MAGI2: variants seen among roughly 807,000 people sequenced by gnomAD.
The protein encoded by MAGI2 is membrane-associated guanylate kinase, WW and PDZ domain-containing protein 2.
MAGI2 carries 35 observed loss-of-function variants against 133.3 expected under a neutral mutation model. The ratio of observed to expected loss-of-function variants is 0.26; its 90% confidence interval spans 0.20 to 0.35. The LOEUF (loss-of-function observed/expected upper bound fraction) is 0.35. Ranked by LOEUF, MAGI2 falls within the 10% of genes least tolerant of loss-of-function variation. MAGI2 has a pLI of 1.00. For missense variants in MAGI2, 1,636 were observed against 1,863.4 expected (o/e 0.88, Z 2.25); for synonymous variants, 729 against 710.6 (o/e 1.03, Z -0.41).
chr7:78,501,987 A>G (rs73135404), intron 4 of MAGI2, among the ~76,000 whole-genome samples, 200 bp from the exon 5 acceptor site: 3 of 152,276 alleles, frequency 2.0e-5, no homozygotes, highest in Non-Finnish European at 2.9e-5. Context: ...TCTTTCAGCT[A>G]ATTATTATTG....
chr7:78,079,617 CA>C (rs1815737414), intron 20 of MAGI2, among the ~76,000 whole-genome samples: 1 of 152,128 alleles, frequency 6.6e-6, no homozygotes, highest in Non-Finnish European at 1.5e-5. Context: ...TCTTTGTAAA[CA>C]GTGGTTGGTT....
chr7:78,157,174 CA>C (rs1824479574), intron 16 of MAGI2, among the ~76,000 whole-genome samples: 1 of 152,156 alleles, frequency 6.6e-6, no homozygotes, highest in South Asian at 2.1e-4. Context: ...ACTGTAAATG[CA>C]ACGTGCCATC....
At chr7:78,667,814 A>G (rs997902097) in intron 2 of MAGI2, among the ~76,000 whole-genome samples, 1 of 152,076 alleles carries the variant, frequency 6.6e-6, no homozygotes, top group Non-Finnish European at 1.5e-5. Context: ...GGTTGGTTCC[A>G]AGTCTTTGCT....
At chr7:78,197,111 A>G (rs1438648300) in intron 11 of MAGI2, among the ~76,000 whole-genome samples, 1 of 152,338 alleles carries the variant, frequency 6.6e-6, no homozygotes, top group East Asian at 1.9e-4. Context: ...ATCTTTAACT[A>G]TGTACTTCAT....
intron 7 of MAGI2, among the ~76,000 whole-genome samples, chr7:78,362,890 G>A (rs748160300): frequency 5.3e-5 from 8 of 152,060 alleles, no homozygotes; most frequent in African/African-American, 1.9e-4. Context: ...CATCAGCATC[G>A]CTTCGACCTT....
rs965267752 is a variant in MAGI2 at position 78,188,599 on chromosome 7, A to G, written c.2270-2929T>C. Among the ~76,000 whole-genome samples the G allele has an allele frequency of 2.0e-5, 3 of 152,268 alleles. No individual in the cohort carries two copies. The East Asian group carries it at 5.8e-4, about 29-fold the overall frequency. On this transcript the variant is annotated intron_variant, in intron 12 of 21. Coordinates refer to ENST00000354212, the MANE Select transcript of MAGI2 (RefSeq NM_012301.4). ...TATCACCTTATTTTAATATTTCACT[A>G]AAGTAAGATTGTGTTCCAGAGAACA...
chr7:78,343,035 T>C (rs1276852889), intron 9 of MAGI2, among the ~76,000 whole-genome samples: 1 of 152,208 alleles, frequency 6.6e-6, no homozygotes, highest in Non-Finnish European at 1.5e-5. Context: ...TTCATTGTTT[T>C]CTAGATAAGG....
At chr7:78,389,227 C>T (rs938778461) in intron 6 of MAGI2, among the ~76,000 whole-genome samples, 2 of 152,068 alleles carry the variant, frequency 1.3e-5, no homozygotes, top group Non-Finnish European at 1.5e-5. Context: ...CAGTGAGAAG[C>T]GAGAGTTGAA....
At chr7:78,910,965 A>T (rs1798357676) in intron 2 of MAGI2, among the ~76,000 whole-genome samples, 1 of 152,232 alleles carries the variant, frequency 6.6e-6, no homozygotes, top group Non-Finnish European at 1.5e-5. Flanking sequence ...AGAACTGAGG[A>T]ATTCTATGGC....
intron 1 of MAGI2, among the ~76,000 whole-genome samples, chr7:79,321,300 A>G (rs751943678): frequency 9.8e-5 from 15 of 152,306 alleles, no homozygotes; most frequent in Admixed American, 2.0e-4. Flanking sequence ...TTCAAAGAAA[A>G]TTACAAAAAG....
intron 1 of MAGI2, among the ~76,000 whole-genome samples, chr7:79,330,356 G>A (rs1026843342): frequency 6.6e-6 from 1 of 151,610 alleles, no homozygotes; most frequent in Admixed American, 6.6e-5. Flanking sequence ...ACCACGCCCG[G>A]CTAATTTTTT....
At chr7:78,453,017 A>G (rs1788894241) in intron 6 of MAGI2, among the ~76,000 whole-genome samples, 1 of 152,018 alleles carries the variant, frequency 6.6e-6, no homozygotes, top group Non-Finnish European at 1.5e-5. Flanking sequence ...TGTAATGTAT[A>G]TATCATCATG....
At chr7:78,858,520 A>T (rs1793858841) in intron 2 of MAGI2, among the ~76,000 whole-genome samples, 1 of 152,188 alleles carries the variant, frequency 6.6e-6, no homozygotes, top group Non-Finnish European at 1.5e-5. Context: ...CCCAGTAGTT[A>T]TTCAGGAGCA....
intron 3 of MAGI2, among the ~76,000 whole-genome samples, chr7:78,578,885 C>T (rs1802545405): frequency 6.6e-6 from 1 of 152,126 alleles, no homozygotes; most frequent in Admixed American, 6.5e-5. Context: ...CTCCTTTCCC[C>T]ACAATACCCT....
intron 2 of MAGI2, among the ~76,000 whole-genome samples, chr7:78,764,114 A>AG (rs1824778417): frequency 6.6e-6 from 1 of 152,206 alleles, no homozygotes; most frequent in African/African-American, 2.4e-5. Flanking sequence ...TGTGAACTTA[A>AG]GGTTTCTAAA....
chr7:78,206,128 CA>C (rs940144380), intron 10 of MAGI2, among the ~76,000 whole-genome samples: 4 of 152,082 alleles, frequency 2.6e-5, no homozygotes, highest in African/African-American at 7.2e-5. Context: ...TGTGTGGTAA[CA>C]GTTTTATTAT....
chr7:78,188,451 A>G (rs530830628), intron 12 of MAGI2, among the ~76,000 whole-genome samples: 2 of 152,306 alleles, frequency 1.3e-5, no homozygotes, highest in East Asian at 3.9e-4. Context: ...CCCATGAGAA[A>G]AGGTTGCAGA....
intron 2 of MAGI2, among the ~76,000 whole-genome samples, chr7:78,805,168 T>C (rs1328672731): frequency 3.3e-5 from 5 of 151,752 alleles, no homozygotes; most frequent in Admixed American, 3.3e-4. Context: ...GGCAGGGGGA[T>C]AGAGATGCTG....
intron 3 of MAGI2, among the ~76,000 whole-genome samples, chr7:78,557,113 A>G (rs992752740): frequency 6.6e-6 from 1 of 150,928 alleles, no homozygotes; most frequent in Non-Finnish European, 1.5e-5. Context: ...AAAAGAAAAA[A>G]AAAGAATTTC....
Sources: allele counts gnomAD v4.1 joint callset (sites outside exome capture counted in the v4.1 genomes callset), GRCh38; gene constraint gnomAD v4.1.1; transcripts MANE v1.5; gene names NCBI Gene and HGNC (gene_info 2026-07-23, HGNC 2026-07-21).